ARL2: variants seen among roughly 807,000 people sequenced by gnomAD.
ARL2 encodes ADP-ribosylation factor-like protein 2.
ARL2 carries 11 observed loss-of-function variants against 22.0 expected under a neutral mutation model. The observed-to-expected ratio is 0.50, with a 90% CI of 0.31 to 0.83. The LOEUF (loss-of-function observed/expected upper bound fraction) is 0.83. Ranked by LOEUF, ARL2 falls within the 40% of genes least tolerant of loss-of-function variation. The probability of loss-of-function intolerance (pLI) is 0.04; values close to 1 mark genes in which losing one functional copy is unlikely to be tolerated. For missense variants in ARL2, 216 were observed against 243.2 expected (o/e 0.89, Z 0.74); for synonymous variants, 111 against 100.8 (o/e 1.10, Z -0.61).
Position 65,022,025 on chromosome 11 carries a change from C to T in ARL2, c.*170C>T, listed in dbSNP as rs931693788. The T allele has an allele frequency of 1.8e-5, 18 of 1,007,468 alleles. No individual in the cohort carries two copies. Among genetic ancestry groups the T allele is most frequent in the African/African-American group, 3.2e-5 (2 of 62,058 alleles). The allele number at this position is 1,007,468 out of a possible 1,614,324, so 62.4% of individuals were successfully genotyped here. ...CTCTGTGGCCACCCGGCTCCCATGGCGGGAGGGCTGTGCCCTGGCTGTCTC... is the reference window on the plus strand; with the variant it reads ...CTCTGTGGCCACCCGGCTCCCATGGTGGGAGGGCTGTGCCCTGGCTGTCTC... On this transcript the variant is annotated 3_prime_UTR_variant, in exon 5 of 5. Transcript: ENST00000246747.
chr11:65,016,195 G>A (rs1271976021), intron 1 of ARL2, among the ~76,000 whole-genome samples: 5 of 76,754 alleles, frequency 6.5e-5, no homozygotes, highest in South Asian at 6.0e-4. Flanking sequence ...TGACAAGAGC[G>A]AAACTCTGTT....
rs664226 is a variant in ARL2, at chr11:65,021,722, T to C, written c.422T>C (p.Val141Ala). 934,147 of 1,598,970 alleles carry C rather than the reference T, an allele frequency of 0.58. 283,349 individuals are homozygous for C. Among genetic ancestry groups the C allele is most frequent in the African/African-American group, 0.7 (52,303 of 74,752 alleles). ...GALSSNAIRE[V>A]LELDSIRSHH... ...CCATCAGCACCTTTGTCCTCCCAGG[T>C]CCTGGAGCTGGACTCCATCCGCAGC... is the stretch of plus-strand genomic sequence containing the variant. The change falls in exon 5 of 5, where the codon GTC (valine) becomes GCC (alanine). Residue 141 changes from valine to alanine, a missense_variant and splice_region_variant. Transcript: ENST00000246747.
At position 65,018,727 on chromosome 11, in the gene ARL2, G is replaced by A. The variant is rs746118890; in HGVS notation, c.333G>A (p.Val111=). 3 of 1,614,072 alleles carry A rather than the reference G, an allele frequency of 1.9e-6. No homozygotes were observed. The highest frequency in any genetic ancestry group is 8.5e-7 in the Non-Finnish European group (1 of 1,180,034). ...AGCGGGAGCTCCAGAGCCTGCTGGT[G>A]GAGGAGGTGGGCAGCTCCTACCCTT... is the stretch of plus-strand genomic sequence containing the variant. The part of the protein sequence containing the change: ...DCQRELQSLL[V]EERLAGATLL... Residue 111 remains valine, a synonymous_variant, in exon 3 of 5, where the codon GTG becomes GTA. Coordinates refer to ENST00000246747, the MANE Select transcript of ARL2 (RefSeq NM_001667.4). The surrounding 1 kb of genome is among the most constrained non-coding windows in gnomAD (Gnocchi z 4.2).
Position 65,022,035 on chromosome 11 carries a change from G to C in ARL2, c.*180G>C. On this transcript the variant is annotated 3_prime_UTR_variant, in exon 5 of 5. Transcript: ENST00000246747. ...ACCCGGCTCCCATGGCGGGAGGGCT[G>C]TGCCCTGGCTGTCTCTCTGGCTCCT... 1.1e-6 allele frequency: 1 copy of C among 900,852 alleles called. No homozygotes were observed. Among genetic ancestry groups the C allele is most frequent in the Non-Finnish European group, 1.6e-6 (1 of 607,144 alleles). The allele number at this position is 900,852 out of a possible 1,614,324, so 55.8% of individuals were successfully genotyped here.
chr11:65,020,609 C>T, intron 4 of ARL2, 110 bp downstream of exon 4: 1 of 1,134,488 alleles, frequency 8.8e-7, no homozygotes, highest in South Asian at 1.6e-5. Flanking sequence ...TGGCTCACGC[C>T]TGTAATACCA....
intron 1 of ARL2, among the ~76,000 whole-genome samples, chr11:65,016,724 A>AG (rs1239540097): frequency 1.3e-5 from 2 of 151,902 alleles, no homozygotes; most frequent in Non-Finnish European, 2.9e-5. Flanking sequence ...GTAGGCACTG[A>AG]GGTCCAGTGT....
In ARL2 at chr11:65,018,033, A is replaced by C. The variant is rs1161066996; in HGVS notation, c.66-331A>C. On this transcript the variant is annotated intron_variant, in intron 1 of 4. Coordinates refer to ENST00000246747, the MANE Select transcript of ARL2 (RefSeq NM_001667.4). This position sits in a 1 kb window ranked among gnomAD's most constrained non-coding sequence, Gnocchi z 4.2. ...TGTTGTGTTGATGGCGCTAGCCGGGATCTGGCAGGGCCTTCTTTTCTCATT... is the reference window on the plus strand; with the variant it reads ...TGTTGTGTTGATGGCGCTAGCCGGGCTCTGGCAGGGCCTTCTTTTCTCATT... Among the ~76,000 whole-genome samples, 1 of 152,126 alleles carries C rather than the reference A, an allele frequency of 6.6e-6. No individual in the cohort carries two copies. Among genetic ancestry groups the C allele is most frequent in the Non-Finnish European group, 1.5e-5 (1 of 68,044 alleles).
At position 65,018,934 on chromosome 11, in the gene ARL2, C is replaced by G; in HGVS notation, c.339+201C>G. ...TTGAGTTAACGTCCCTGTGGTGTTACTACGTCACTACCCTGAGCATCAGTT... is the reference window on the plus strand; with the variant it reads ...TTGAGTTAACGTCCCTGTGGTGTTAGTACGTCACTACCCTGAGCATCAGTT... On this transcript the variant is annotated intron_variant, in intron 3 of 4. Coordinates refer to ENST00000246747, the MANE Select transcript of ARL2 (RefSeq NM_001667.4). This position sits in a 1 kb window ranked among gnomAD's most constrained non-coding sequence, Gnocchi z 4.2. 1.3e-6 allele frequency: 2 copies of G among 1,525,908 alleles called. No homozygotes were observed. Among genetic ancestry groups the G allele is most frequent in the Non-Finnish European group, 1.8e-6 (2 of 1,141,006 alleles). 94.5% of individuals were successfully genotyped at this position (1,525,908 alleles called of 1,614,324 possible). A position where few individuals can be genotyped will look rare whatever the true frequency, so the allele number is the denominator to read the frequency against.
rs1445277940 is a variant in ARL2 at position 65,018,864 on chromosome 11, G to A, written c.339+131G>A. ...CTTCCTTCTCTGGGCCCCCACCATG[G>A]GAGGCCCATGGTGCCAGAGGCAGGA... On this transcript the variant is annotated intron_variant, in intron 3 of 4. Coordinates refer to ENST00000246747, the MANE Select transcript of ARL2 (RefSeq NM_001667.4). This position sits in a 1 kb window ranked among gnomAD's most constrained non-coding sequence, Gnocchi z 4.2. 1 of 1,538,492 alleles carries A rather than the reference G, an allele frequency of 6.5e-7. No homozygotes were observed. Among genetic ancestry groups the A allele is most frequent in the Non-Finnish European group, 8.7e-7 (1 of 1,148,042 alleles).
intron 3 of ARL2, 87 bp from the exon 4 acceptor site, chr11:65,020,332 C>T (rs890524842): frequency 1.7e-6 from 2 of 1,157,680 alleles, no homozygotes. Flanking sequence ...CAGGTCGATC[C>T]TTCACCCCAG....
chr11:65,021,887 A>G lies in ARL2; in HGVS notation c.*32A>G, dbSNP rs771288868. On this transcript the variant is annotated 3_prime_UTR_variant, in exon 5 of 5. Transcript: ENST00000246747. ...CCAGATGCCCCCCACCTAGCAGTCC[A>G]GGTCCCTCAACCTTCACCAAACACT... The G allele has an allele frequency of 3.7e-6, 6 of 1,600,080 alleles. No homozygotes were observed. The South Asian group carries it at 5.5e-5, about 15-fold the overall frequency.
intron 1 of ARL2, among the ~76,000 whole-genome samples, chr11:65,016,495 C>T (rs572950364): frequency 1.3e-4 from 20 of 151,906 alleles, no homozygotes; most frequent in African/African-American, 4.8e-4. Flanking sequence ...ACTGCAGTGA[C>T]GCAGGCGAGA....
chr11:65,020,399 C>T lies in ARL2; in HGVS notation c.340-20C>T. 6.2e-7 allele frequency: 1 copy of T among 1,604,300 alleles called. No homozygotes were observed. Among genetic ancestry groups the T allele is most frequent in the Non-Finnish European group, 8.5e-7 (1 of 1,173,358 alleles). ...TGTCCTCTGAGTCCCCACCCCACCCCTCTATCTTTTCTCCCCCAGCGCCTG... is the reference window on the plus strand; with the variant it reads ...TGTCCTCTGAGTCCCCACCCCACCCTTCTATCTTTTCTCCCCCAGCGCCTG... On this transcript the variant is annotated intron_variant, in intron 3 of 4. Coordinates refer to ENST00000246747, the MANE Select transcript of ARL2 (RefSeq NM_001667.4).
At chr11:65,014,325 C>T in intron 1 of ARL2, 53 bp downstream of exon 1, 6 of 1,447,300 alleles carry the variant, frequency 4.1e-6, no homozygotes, top group Non-Finnish European at 5.5e-6. Flanking sequence ...GCCGGGCAGG[C>T]GGTGCCGGGC....
At chr11:65,019,444 A>T (rs1016342453) in intron 3 of ARL2, 3 of 153,488 alleles carry the variant, frequency 2.0e-5, no homozygotes, top group African/African-American at 7.2e-5. Flanking sequence ...CAGGAGGCTG[A>T]GGCAGGAAAA....
chr11:65,016,953 G>A (rs1295011591), intron 1 of ARL2, among the ~76,000 whole-genome samples: 1 of 152,134 alleles, frequency 6.6e-6, no homozygotes, highest in Non-Finnish European at 1.5e-5. Context: ...GTGCTGAGTG[G>A]GGAACAGAAG....
In ARL2 at chr11:65,018,615, G is replaced by A. The variant is rs748651201; in HGVS notation, c.221G>A (p.Arg74Gln). 7 of 1,613,370 alleles carry A rather than the reference G, an allele frequency of 4.3e-6. No individual in the cohort carries two copies. The highest frequency in any genetic ancestry group is 2.2e-5 in the East Asian group (1 of 44,850). Residue 74 changes from arginine to glutamine, a missense_variant, in exon 3 of 5, where the codon CGG becomes CAG. Coordinates refer to ENST00000246747, the MANE Select transcript of ARL2 (RefSeq NM_001667.4). The surrounding 1 kb of genome is among the most constrained non-coding windows in gnomAD (Gnocchi z 4.2). ...IWDVGGQKSL[R>Q]SYWRNYFEST... ...GATGTGGGTGGCCAGAAGTCCCTGCGGTCCTACTGGCGGAACTACTTTGAG... is the reference window on the plus strand; with the variant it reads ...GATGTGGGTGGCCAGAAGTCCCTGCAGTCCTACTGGCGGAACTACTTTGAG...
chr11:65,018,993 A>G lies in ARL2; in HGVS notation c.339+260A>G, dbSNP rs752076148. 63 of 1,421,938 alleles carry G rather than the reference A, an allele frequency of 4.4e-5. No homozygotes were observed. The highest frequency in any genetic ancestry group is 5.1e-5 in the Non-Finnish European group (55 of 1,068,104). 88.1% of individuals were successfully genotyped at this position (1,421,938 alleles called of 1,614,324 possible). A position where few individuals can be genotyped will look rare whatever the true frequency, so the allele number is the denominator to read the frequency against. ...TTGAAATGGTGATGATGACACCCAC[A>G]TCACTGGGCTTTAGGGAGGATAACC... On this transcript the variant is annotated intron_variant, in intron 3 of 4. Transcript: ENST00000246747. This position sits in a 1 kb window ranked among gnomAD's most constrained non-coding sequence, Gnocchi z 4.2.
chr11:65,016,499 G>C (rs1946258439), intron 1 of ARL2, among the ~76,000 whole-genome samples: 1 of 152,134 alleles, frequency 6.6e-6, no homozygotes, highest in African/African-American at 2.4e-5. Flanking sequence ...CAGTGACGCA[G>C]GCGAGATAGG....
Sources: gnomAD v4.1 joint callset for allele counts (sites outside exome capture counted in the v4.1 genomes callset) on GRCh38, gnomAD v4.1.1 for gene constraint, Gnocchi (gnomAD v3.1) non-coding constraint, MANE v1.5 for transcripts, NCBI Gene and HGNC (gene_info 2026-07-23, HGNC 2026-07-21) for gene names.